The following RPS29 variants were observed in gnomAD, a reference collection of about 807,000 sequenced individuals.
RPS29 encodes ribosomal protein S29.
For missense variants in RPS29, 60 were observed against 75.7 expected, an observed-to-expected ratio of 0.79 and a Z score of 0.77; for synonymous variants, 37 against 26.9, an observed-to-expected ratio of 1.37 and a Z score of -1.16.
intron 1 of RPS29, among the ~76,000 whole-genome samples, chr14:49,594,327 G>A (rs1277268407): frequency 1.3e-5 from 2 of 151,432 alleles, no homozygotes; most frequent in South Asian, 4.1e-4. Context: ...TGGGGGACAG[G>A]GTGTGAACCT....
At chr14:49,580,687 CA>C (rs1881309037), downstream of RPS29, among the ~76,000 whole-genome samples, 1 of 151,710 alleles carries the variant, frequency 6.6e-6, no homozygotes, top group African/African-American at 2.4e-5. Context: ...GCCTGGCCAA[CA>C]TGGTGAAACC....
exon 3 of RPS29, chr14:49,571,935 G>A (rs1053240183): frequency 9.2e-5 from 14 of 152,086 alleles, no homozygotes; most frequent in South Asian, 2.1e-4. Context: ...AAACCCCTAC[G>A]TTTTATTGTT....
upstream of RPS29, among the ~76,000 whole-genome samples, chr14:49,587,376 G>A (rs1881612580): frequency 6.6e-6 from 1 of 152,190 alleles, no homozygotes; most frequent in Non-Finnish European, 1.5e-5. Flanking sequence ...ATTCCATATG[G>A]TCATTTATAA....
downstream of RPS29, among the ~76,000 whole-genome samples, chr14:49,583,108 G>A (rs1273698175): frequency 6.6e-6 from 1 of 152,016 alleles, no homozygotes; most frequent in Non-Finnish European, 1.5e-5. Flanking sequence ...CAAAGTGCTG[G>A]GATTACAGGC....
upstream of RPS29, chr14:49,586,410 T>A (rs112285634): frequency 6.9e-6 from 10 of 1,449,392 alleles, no homozygotes; most frequent in Middle Eastern, 1.7e-4. Context: ...CTCTTCAAAT[T>A]TTTGAGACAG....
chr14:49,586,142 C>G (rs1293668138), intron 1 of RPS29, 93 bp from the exon 2 acceptor site: 1 of 1,407,136 alleles, frequency 7.1e-7, no homozygotes, highest in East Asian at 2.3e-5. Context: ...ACTCCCAAGC[C>G]ACAGTACAGG....
exon 3 of RPS29, chr14:49,571,516 T>C (rs529432977): frequency 6.6e-6 from 1 of 152,290 alleles, no homozygotes; most frequent in East Asian, 1.9e-4. Context: ...TGACCCAAGA[T>C]GGAGGCCAGT....
intron 1 of RPS29, chr14:49,598,314 A>G: frequency 1.6e-6 from 1 of 608,448 alleles, no homozygotes; most frequent in East Asian, 2.8e-5. Context: ...CAATCAAGAA[A>G]ATCAAGAGTA....
At chr14:49,586,738 C>T (rs144348466), upstream of RPS29, 94 of 245,234 alleles carry the variant, frequency 3.8e-4, no homozygotes, top group African/African-American at 1.5e-3. Context: ...AGCGGGGGAC[C>T]ACCAGGTTGC....
downstream of RPS29, among the ~76,000 whole-genome samples, chr14:49,579,303 C>T (rs1881272899): frequency 6.6e-6 from 1 of 152,222 alleles, no homozygotes; most frequent in South Asian, 2.1e-4. Context: ...TCTCAGACTT[C>T]CTAGCCTCCA....
chr14:49,571,912 A>C (rs1365236126), exon 3 of RPS29: 1 of 152,158 alleles, frequency 6.6e-6, no homozygotes, highest in Non-Finnish European at 1.5e-5. Context: ...GCAAACCTGA[A>C]GGAAATCTTC....
chr14:49,586,433 G>A, upstream of RPS29: 3 of 1,217,658 alleles, frequency 2.5e-6, no homozygotes, highest in South Asian at 2.4e-5. Context: ...TACCCAGAAT[G>A]CAGTGCTCAA....
chr14:49,581,361 G>A (rs1040610347), downstream of RPS29, among the ~76,000 whole-genome samples: 1 of 152,106 alleles, frequency 6.6e-6, no homozygotes, highest in African/African-American at 2.4e-5. Context: ...TCACGTCACT[G>A]CTTAAAACAG....
At chr14:49,574,856 A>T (rs141843473) in exon 3 of RPS29, 1 of 152,344 alleles carries the variant, frequency 6.6e-6, no homozygotes, top group Non-Finnish European at 1.5e-5. Context: ...ATCAGATGGT[A>T]TATGTCCAAA....
At chr14:49,584,753 C>T (rs533176356) in intron 2 of RPS29, among the ~76,000 whole-genome samples, 1 of 147,854 alleles carries the variant, frequency 6.8e-6, no homozygotes, top group African/African-American at 2.5e-5. Context: ...CAGAGGGAGA[C>T]CCAATTTCAA....
downstream of RPS29, among the ~76,000 whole-genome samples, chr14:49,580,790 CAGG>C (rs751431159): frequency 9.9e-5 from 15 of 151,920 alleles, no homozygotes; most frequent in South Asian, 2.7e-3. Context: ...CAGGCTGAGG[CAGG>C]AGAATCGCCT....
At chr14:49,587,891 G>A (rs1881624462), upstream of RPS29, among the ~76,000 whole-genome samples, 1 of 152,232 alleles carries the variant, frequency 6.6e-6, no homozygotes, top group Admixed American at 6.5e-5. Flanking sequence ...CTGGTGAAAG[G>A]AAGCGCTTGA....
At chr14:49,586,431 A>C, upstream of RPS29, 1 of 1,226,768 alleles carries the variant, frequency 8.2e-7, no homozygotes, top group African/African-American at 1.5e-5. Flanking sequence ...TTTACCCAGA[A>C]TGCAGTGCTC....
intron 1 of RPS29, among the ~76,000 whole-genome samples, chr14:49,596,155 G>C (rs961968338): frequency 2.0e-5 from 3 of 152,178 alleles, no homozygotes; most frequent in African/African-American, 7.2e-5. Context: ...AAGGTTTAGC[G>C]GAAACTGAAC....
Sources: gnomAD v4.1 joint callset for allele counts (sites outside exome capture counted in the v4.1 genomes callset) on GRCh38, gnomAD v4.1.1 for gene constraint, MANE v1.5 for transcripts, NCBI Gene and HGNC (gene_info 2026-07-23, HGNC 2026-07-21) for gene names.